The following GABRR2 variants were observed in gnomAD, a reference collection of about 807,000 sequenced individuals.
GABRR2 encodes gamma-aminobutyric acid receptor subunit rho-2.
In GABRR2, 36 loss-of-function variants were observed where a neutral mutation model predicts 47.0. That is an observed-to-expected ratio of 0.77 (90% CI 0.59 to 1.01). GABRR2 has a LOEUF of 1.01. GABRR2 is among the 50% of genes least tolerant of loss of function. GABRR2 has a pLI of 0.00. For missense variants in GABRR2, 587 were observed against 594.6 expected, an observed-to-expected ratio of 0.99 and a Z score of 0.13; for synonymous variants, 204 against 227.5, an observed-to-expected ratio of 0.90 and a Z score of 0.93.
intron 2 of GABRR2, among the ~76,000 whole-genome samples, chr6:89,285,423 C>T (rs1221808638): frequency 1.3e-5 from 2 of 152,116 alleles, no homozygotes; most frequent in African/African-American, 4.8e-5. Flanking sequence ...TGATTTTTCT[C>T]ATGGTGAGGG....
At position 89,257,666 on chromosome 6, in the gene GABRR2, G is replaced by A. The variant is rs758588617; in HGVS notation, c.*4C>T. 5.5e-5 allele frequency: 88 copies of A among 1,606,696 alleles called. No individual in the cohort carries two copies. The highest frequency in any genetic ancestry group is 7.1e-5 in the Non-Finnish European group (84 of 1,175,824). On this transcript the variant is annotated 3_prime_UTR_variant, in exon 9 of 9. Coordinates refer to ENST00000402938, the MANE Select transcript of GABRR2 (RefSeq NM_002043.5). The stretch of plus-strand genomic sequence containing the variant: ...GCCCTCTTCTAGGAACAGCCTTGGA[G>A]CCCCTAGGAAAACACTGACCAATAA...
chr6:89,301,577 A>C (rs565550250), intron 1 of GABRR2, among the ~76,000 whole-genome samples: 5 of 152,182 alleles, frequency 3.3e-5, no homozygotes, highest in Admixed American at 3.3e-4. Flanking sequence ...ATATGCCAAC[A>C]ATGGTCAAGC....
intron 6 of GABRR2, among the ~76,000 whole-genome samples, chr6:89,267,035 TGTCCCCCAGG>T (rs1773914080): frequency 8.2e-6 from 1 of 121,736 alleles, no homozygotes; most frequent in Non-Finnish European, 1.9e-5. Flanking sequence ...AGTATCACTC[TGTCCCCCAGG>T]CTGGAGTGCA....
Position 89,257,646 on chromosome 6 carries a change from C to T in GABRR2, c.*24G>A, listed in dbSNP as rs754357842. ...CAGGCCCCCTCGATGTCTATGCCCT[C>T]TTCTAGGAACAGCCTTGGAGCCCCT... On this transcript the variant is annotated 3_prime_UTR_variant, in exon 9 of 9. Transcript: ENST00000402938. 1.9e-6 allele frequency: 3 copies of T among 1,585,036 alleles called. No individual in the cohort carries two copies. The highest frequency in any genetic ancestry group is 2.6e-6 in the Non-Finnish European group (3 of 1,161,850).
In GABRR2 at chr6:89,269,163, G is replaced by A; in HGVS notation, c.360C>T (p.Asn120=). 1 of 1,614,070 alleles carries A rather than the reference G, an allele frequency of 6.2e-7. No individual in the cohort carries two copies. The highest frequency in any genetic ancestry group is 2.2e-5 in the East Asian group (1 of 44,880). The change falls in exon 4 of 9, where the codon AAC becomes AAT. Residue 120 remains asparagine, a synonymous_variant. Coordinates refer to ENST00000402938, the MANE Select transcript of GABRR2 (RefSeq NM_002043.5). ...DERLAFSSAS[N]KSMTFDGRLV... ...GCCGGCCATCGAAGGTCATGCTCTT[G>A]TTGCTGGCGCTGGAGAAAGCTAGCC...
At chr6:89,310,528 C>T (rs1767662873) in intron 1 of GABRR2, among the ~76,000 whole-genome samples, 1 of 152,142 alleles carries the variant, frequency 6.6e-6, no homozygotes, top group South Asian at 2.1e-4. Flanking sequence ...GGCAGACTCA[C>T]CTAAGTTGAT....
intron 1 of GABRR2, among the ~76,000 whole-genome samples, chr6:89,306,352 C>G (rs1767559246): frequency 6.6e-6 from 1 of 150,734 alleles, no homozygotes; most frequent in Non-Finnish European, 1.5e-5. Flanking sequence ...AGAGTGAGAC[C>G]CTGTGTTTAA....
At chr6:89,308,168 G>A (rs1767603953) in intron 1 of GABRR2, among the ~76,000 whole-genome samples, 1 of 152,130 alleles carries the variant, frequency 6.6e-6, no homozygotes, top group Non-Finnish European at 1.5e-5. Context: ...TCTGTAAGAG[G>A]AAAGTGATGG....
chr6:89,291,921 C>A (rs1774448485), intron 2 of GABRR2, among the ~76,000 whole-genome samples: 1 of 152,140 alleles, frequency 6.6e-6, no homozygotes, highest in Admixed American at 6.5e-5. Flanking sequence ...CAGCTGTGCA[C>A]CCCAACAGCT....
At chr6:89,268,694 C>CT (rs1050173848) in intron 4 of GABRR2, among the ~76,000 whole-genome samples, 10 of 149,634 alleles carry the variant, frequency 6.7e-5, no homozygotes, top group African/African-American at 9.9e-5. Flanking sequence ...TTTTTAAAAG[C>CT]TTTTTTTTTA....
At chr6:89,310,021 C>T (rs1030225968) in intron 1 of GABRR2, among the ~76,000 whole-genome samples, 1 of 150,360 alleles carries the variant, frequency 6.7e-6, no homozygotes, top group Admixed American at 6.7e-5. Context: ...CTTGCTGCAG[C>T]CTCCCAAACT....
chr6:89,259,507 G>GT (rs60807051), intron 8 of GABRR2, among the ~76,000 whole-genome samples: 40,338 of 149,132 alleles, frequency 0.27, 5,513 homozygotes, highest in Non-Finnish European at 0.31. Context: ...TTTTTGTTTT[G>GT]TTTTTTTTGT....
At chr6:89,285,248 C>T (rs1014737362) in intron 2 of GABRR2, among the ~76,000 whole-genome samples, 9 of 152,316 alleles carry the variant, frequency 5.9e-5, no homozygotes, top group Admixed American at 1.3e-4. Flanking sequence ...GCATTGCTGG[C>T]GCAAGGGAAT....
In GABRR2 at chr6:89,274,859, C is replaced by A. The variant is rs554504270; in HGVS notation, c.221-3137G>T. The stretch of plus-strand genomic sequence containing the variant: ...CTCCAGCATGGGCAATAGAGTGAGA[C>A]CCTGTCTGTAAATAAATAATTTTTA... On this transcript the variant is annotated intron_variant, in intron 2 of 8. Coordinates refer to ENST00000402938, the MANE Select transcript of GABRR2 (RefSeq NM_002043.5). 3.3e-5 allele frequency among the ~76,000 whole-genome samples: 5 copies of A among 151,896 alleles called. No homozygotes were observed. The South Asian group carries it at 8.4e-4, about 26-fold the overall frequency.
chr6:89,279,696 A>AAC (rs1554197208), intron 2 of GABRR2, among the ~76,000 whole-genome samples: 41 of 147,054 alleles, frequency 2.8e-4, no homozygotes, highest in South Asian at 6.5e-4. Context: ...AAAAAAAAAA[A>AAC]CCCCACTGAT....
In GABRR2 at chr6:89,309,947, C is replaced by CTTTT. The variant is rs565193467; in HGVS notation, c.113+5102_113+5105dup. ...GCACATGCCACCGTGCCTGGCTAATCTTTTTTTTTTTTTTTTTGTAGAGAC... is the reference window on the plus strand; with the variant it reads ...GCACATGCCACCGTGCCTGGCTAATCTTTTTTTTTTTTTTTTTTTTTGTAGAGAC... On this transcript the variant is annotated intron_variant, in intron 1 of 8. Coordinates refer to ENST00000402938, the MANE Select transcript of GABRR2 (RefSeq NM_002043.5). Among the ~76,000 whole-genome samples, 24 of 128,200 alleles carry CTTTT rather than the reference C, an allele frequency of 1.9e-4. No homozygotes were observed. In the East Asian group the frequency reaches 4.6e-3, roughly 25 times the overall value. 84.1% of individuals were successfully genotyped at this position (128,200 alleles called of 152,430 possible).
chr6:89,268,523 T>A (rs1454381653), intron 4 of GABRR2, among the ~76,000 whole-genome samples: 1 of 152,138 alleles, frequency 6.6e-6, no homozygotes, highest in African/African-American at 2.4e-5. Context: ...TGTGGGACAA[T>A]GAGCTTCATC....
intron 6 of GABRR2, among the ~76,000 whole-genome samples, chr6:89,266,443 C>A (rs6921157): frequency 0.33 from 49,890 of 152,066 alleles, 8,345 homozygotes; most frequent in Middle Eastern, 0.41. Flanking sequence ...TCACTGTCAC[C>A]TTTATTGTGA....
intron 1 of GABRR2, among the ~76,000 whole-genome samples, chr6:89,305,935 C>T (rs1025221462): frequency 6.6e-6 from 1 of 151,960 alleles, no homozygotes; most frequent in Admixed American, 6.6e-5. Flanking sequence ...TGCATGTATA[C>T]CCCTGAACCT....
Sources: allele counts gnomAD v4.1 joint callset (sites outside exome capture counted in the v4.1 genomes callset), GRCh38; gene constraint gnomAD v4.1.1; transcripts MANE v1.5; gene names NCBI Gene and HGNC (gene_info 2026-07-23, HGNC 2026-07-21).